Variants in GPHN observed in about 807,000 individuals in gnomAD.
GPHN encodes the protein gephyrin.
A neutral mutation model predicts 95.5 loss-of-function variants in GPHN; 17 were observed. The ratio of observed to expected loss-of-function variants is 0.18; its 90% CI spans 0.12 to 0.27. GPHN has a LOEUF of 0.27. GPHN is among the 10% of genes least tolerant of loss of function. The pLI is 1.00. For missense variants in GPHN, 660 were observed against 978.1 expected (o/e 0.67, Z 4.34); for synonymous variants, 320 against 322.5 (o/e 0.99, Z 0.08).
At chr14:66,993,226 T>G (rs746021613) in intron 9 of GPHN, among the ~76,000 whole-genome samples, 18 of 152,000 alleles carry the variant, frequency 1.2e-4, no homozygotes, top group Non-Finnish European at 2.1e-4. Flanking sequence ...CTTCTCTAGC[T>G]ATTCTCTCTC....
At chr14:66,614,613 C>G (rs1437789408) in intron 1 of GPHN, among the ~76,000 whole-genome samples, 1 of 148,096 alleles carries the variant, frequency 6.8e-6, no homozygotes, top group Non-Finnish European at 1.5e-5. Flanking sequence ...ATGTCTAGCA[C>G]CACCAGTTCA....
At chr14:67,334,447 C>G in the GPHN span, 1 of 152,624 alleles carries the variant, frequency 6.6e-6, no homozygotes, top group African/African-American at 2.4e-5. Flanking sequence ...GAGCTAAACA[C>G]TGGAATAATA....
the GPHN span, chr14:67,204,456 A>AAT: frequency 3.4e-3 from 4,567 of 1,330,782 alleles, 60 homozygotes; most frequent in Admixed American, 0.058. Flanking sequence ...CAAACAAACA[A>AAT]ATATATATAT....
At chr14:67,131,507 G>T (rs2079706181) in intron 17 of GPHN, among the ~76,000 whole-genome samples, 1 of 152,096 alleles carries the variant, frequency 6.6e-6, no homozygotes, top group Non-Finnish European at 1.5e-5. Flanking sequence ...CCCCTTCAAA[G>T]TAAGTCCAAA....
At chr14:66,717,753 A>G (rs1595672328) in intron 2 of GPHN, among the ~76,000 whole-genome samples, 1 of 152,164 alleles carries the variant, frequency 6.6e-6, no homozygotes, top group African/African-American at 2.4e-5. Flanking sequence ...CTGAGAGCCA[A>G]GCTGCAGTGA....
At chr14:67,473,342 A>G in the GPHN span, 1 of 1,555,152 alleles carries the variant, frequency 6.4e-7, no homozygotes, top group Admixed American at 1.8e-5. This position sits in a 1 kb window ranked among gnomAD's most constrained non-coding sequence, Gnocchi z 6.5. Flanking sequence ...TGCTGCATGG[A>G]TGGGGCAACC....
At chr14:67,310,892 T>C in the GPHN span, among the ~76,000 whole-genome samples, 6 of 152,230 alleles carry the variant, frequency 3.9e-5, no homozygotes, top group Non-Finnish European at 8.8e-5. Flanking sequence ...TCATATAGTC[T>C]GTCATCGACA....
At chr14:67,008,887 A>G (rs1356757546) in intron 9 of GPHN, among the ~76,000 whole-genome samples, 2 of 152,130 alleles carry the variant, frequency 1.3e-5, no homozygotes, top group East Asian at 1.9e-4. Context: ...ATTACTGCCT[A>G]TTGACTTAAA....
At chr14:67,085,284 A>T (rs17103910) in intron 11 of GPHN, among the ~76,000 whole-genome samples, 4,142 of 152,356 alleles carry the variant, frequency 0.027, 74 homozygotes, top group Non-Finnish European at 0.036. Flanking sequence ...ATTGCACAAT[A>T]AGATATATGA....
At chr14:67,570,657 T>C in the GPHN span, 1 of 152,284 alleles carries the variant, frequency 6.6e-6, no homozygotes, top group Admixed American at 6.5e-5. Flanking sequence ...CATATACATG[T>C]CATTCTATGC....
rs375986312 is a variant in GPHN at position 66,978,575 on chromosome 14, A to G, written c.963+13250A>G. On this transcript the variant is annotated intron_variant, in intron 9 of 22. Coordinates refer to ENST00000478722, the MANE Select transcript of GPHN (RefSeq NM_020806.5). ...ATCACAGTAATTCAGTCGCAACTTC[A>G]GGCTCCCCTTCTAATTGTAGTTCTT... is the stretch of plus-strand genomic sequence containing the variant. Among the ~76,000 whole-genome samples, 17 of 152,276 alleles carry G rather than the reference A, an allele frequency of 1.1e-4. No homozygotes were observed. The South Asian group carries it at 3.5e-3, about 32-fold the overall frequency.
At chr14:67,110,014 A>G (rs1364375859) in intron 13 of GPHN, 126 bp from the exon 14 acceptor site, 1 of 827,658 alleles carries the variant, frequency 1.2e-6, no homozygotes, top group Non-Finnish European at 2.0e-6. Context: ...CTGGCCCAAA[A>G]TGAATAAGAC....
chr14:67,578,497 C>A, the GPHN span: 6 of 1,376,840 alleles, frequency 4.4e-6, no homozygotes, highest in Non-Finnish European at 6.2e-6. This position sits in a 1 kb window ranked among gnomAD's most constrained non-coding sequence, Gnocchi z 5.0. Context: ...GTGCTGTAGG[C>A]CCAGCACTCA....
chr14:67,514,887 C>T, the GPHN span, among the ~76,000 whole-genome samples: 1 of 152,346 alleles, frequency 6.6e-6, no homozygotes, highest in African/African-American at 2.4e-5. Context: ...TAATCTGCGG[C>T]TGGATCTCGA....
At chr14:66,794,002 A>T (rs576247918) in intron 3 of GPHN, among the ~76,000 whole-genome samples, 1 of 152,340 alleles carries the variant, frequency 6.6e-6, no homozygotes, top group African/African-American at 2.4e-5. Flanking sequence ...CTGAATGACA[A>T]GTATTTTTAA....
chr14:66,701,104 G>A lies in GPHN; in HGVS notation c.143+19919G>A, dbSNP rs552396761. The stretch of plus-strand genomic sequence containing the variant: ...TGTTACAGAGGTTATCTGTGCATGC[G>A]CACATGTGCACACACACAAATGTGA... On this transcript the variant is annotated intron_variant, in intron 2 of 22. Transcript: ENST00000478722. Among the ~76,000 whole-genome samples, 8 of 152,092 alleles carry A rather than the reference G, an allele frequency of 5.3e-5. No homozygotes were observed. In the East Asian group the frequency reaches 9.7e-4, roughly 18 times the overall value.
At chr14:67,258,425 A>G in the GPHN span, among the ~76,000 whole-genome samples, 1 of 152,144 alleles carries the variant, frequency 6.6e-6, no homozygotes, top group Non-Finnish European at 1.5e-5. Context: ...AGTCCCAGCT[A>G]CTTGGGGGAT....
intron 9 of GPHN, chr14:66,968,901 G>C (rs953313194): frequency 2.0e-5 from 3 of 150,138 alleles, no homozygotes; most frequent in African/African-American, 4.9e-5. Context: ...GCTACCAGAA[G>C]CACTTAACCA....
Position 66,738,360 on chromosome 14 carries a change from A to T in GPHN, c.144-38104A>T, listed in dbSNP as rs187227103. Among the ~76,000 whole-genome samples, 6 of 135,150 alleles carry T rather than the reference A, an allele frequency of 4.4e-5. No homozygotes were observed. The East Asian group carries it at 1.2e-3, about 26-fold the overall frequency. 88.7% of individuals were successfully genotyped at this position (135,150 alleles called of 152,430 possible). On this transcript the variant is annotated intron_variant, in intron 2 of 22. Transcript: ENST00000478722. ...GTTGTCACAGAAGTCATTCTATTAT[A>T]AAGTTACTTTATTATAAAGGGTATA...
Sources: allele counts gnomAD v4.1 joint callset (sites outside exome capture counted in the v4.1 genomes callset), GRCh38; gene constraint gnomAD v4.1.1; non-coding constraint Gnocchi (gnomAD v3.1); transcripts MANE v1.5; gene names NCBI Gene and HGNC (gene_info 2026-07-23, HGNC 2026-07-21).